The following IGSF5 variants were observed in gnomAD, a reference collection of about 807,000 sequenced individuals.
IGSF5 encodes immunoglobulin superfamily member 5.
Under a neutral mutation model 39.4 loss-of-function variants are expected in IGSF5, and 41 were observed. The observed-to-expected ratio is 1.04, with a 90% CI of 0.81 to 1.35. The LOEUF is 1.35. Among genes scored for constraint, IGSF5 ranks in the 40% most tolerant of loss-of-function variants. IGSF5 has a pLI of 0.00. For missense variants in IGSF5, 487 were observed against 494.6 expected (o/e 0.98, Z 0.15); for synonymous variants, 183 against 175.3 (o/e 1.04, Z -0.34).
intron 4 of IGSF5, among the ~76,000 whole-genome samples, chr21:39,775,110 T>C (rs2146284997): frequency 6.6e-6 from 1 of 152,196 alleles, no homozygotes; most frequent in East Asian, 1.9e-4. Context: ...GTTACTCTAA[T>C]GGGCAGCCAG....
chr21:39,775,068 C>A (rs995281683), intron 4 of IGSF5, among the ~76,000 whole-genome samples: 1 of 152,096 alleles, frequency 6.6e-6, no homozygotes, highest in Non-Finnish European at 1.5e-5. Context: ...TTTGTGGAGC[C>A]TGGGAATTGC....
intron 8 of IGSF5, among the ~76,000 whole-genome samples, chr21:39,796,579 C>T (rs990163154): frequency 1.3e-5 from 2 of 152,218 alleles, no homozygotes; most frequent in Non-Finnish European, 1.5e-5. Context: ...AGTATGACTC[C>T]AATTTGTCAG....
At chr21:39,780,810 C>CA (rs1457046875) in intron 5 of IGSF5, among the ~76,000 whole-genome samples, 1 of 152,172 alleles carries the variant, frequency 6.6e-6, no homozygotes. Flanking sequence ...GATGCTTTAT[C>CA]ATGAGAATGC....
intron 2 of IGSF5, among the ~76,000 whole-genome samples, chr21:39,751,009 C>G (rs1323560743): frequency 1.3e-5 from 2 of 152,314 alleles, no homozygotes; most frequent in East Asian, 1.9e-4. Flanking sequence ...GAGGCCTCTG[C>G]GTTCCCAGCC....
At chr21:39,743,599 A>AG (rs2079957113), upstream of IGSF5, among the ~76,000 whole-genome samples, 1 of 129,716 alleles carries the variant, frequency 7.7e-6, no homozygotes, top group African/African-American at 2.9e-5. Context: ...TTTGGGCTGA[A>AG]GAGGGGGTTC....
At chr21:39,774,859 C>T (rs1417763662) in intron 4 of IGSF5, among the ~76,000 whole-genome samples, 1 of 152,186 alleles carries the variant, frequency 6.6e-6, no homozygotes, top group Non-Finnish European at 1.5e-5. Flanking sequence ...AGTGACAGTC[C>T]TAGGCCTTTG....
At chr21:39,794,790 C>T (rs533257898) in intron 8 of IGSF5, among the ~76,000 whole-genome samples, 9 of 152,176 alleles carry the variant, frequency 5.9e-5, no homozygotes, top group Non-Finnish European at 5.9e-5. Flanking sequence ...TTACCTGAGG[C>T]GACGGTGCCC....
rs539233707 is a variant in IGSF5, at chr21:39,758,152, T to G, written c.101-7383T>G. Among the ~76,000 whole-genome samples, 19 of 152,248 alleles carry G rather than the reference T, an allele frequency of 1.2e-4. No homozygotes were observed. The East Asian group carries it at 3.7e-3, about 29-fold the overall frequency. ...TAGGGATCGCCTGAGCTTGGTGGGC[T>G]GTTCACCAACGTCCACTTGGAGTGT... On this transcript the variant is annotated intron_variant, in intron 2 of 8. Transcript: ENST00000380588.
intron 2 of IGSF5, among the ~76,000 whole-genome samples, chr21:39,756,545 C>T (rs564233914): frequency 8.5e-5 from 13 of 152,236 alleles, no homozygotes; most frequent in African/African-American, 2.2e-4. Context: ...TCTGGAGGGA[C>T]GGGTGGACGA....
At chr21:39,786,261 GA>G (rs531609634) in intron 5 of IGSF5, among the ~76,000 whole-genome samples, 213 of 151,816 alleles carry the variant, frequency 1.4e-3, no homozygotes, top group African/African-American at 4.9e-3. Context: ...AAATTTACAA[GA>G]AAAAAACAAA....
Position 39,795,785 on chromosome 21 carries a change from C to T in IGSF5, c.1128+2172C>T, listed in dbSNP as rs145545362. 3.8e-4 allele frequency among the ~76,000 whole-genome samples: 58 copies of T among 152,088 alleles called. No individual in the cohort carries two copies. The East Asian group carries it at 6.6e-3, about 17-fold the overall frequency. On this transcript the variant is annotated intron_variant, in intron 8 of 8. Coordinates refer to ENST00000380588, the MANE Select transcript of IGSF5 (RefSeq NM_001080444.2). ...GCCCTGGGGACTGGTAACGTAGTCT[C>T]GTGTTTCTTATTTCCTGAAGGGTTT...
intron 3 of IGSF5, among the ~76,000 whole-genome samples, chr21:39,766,484 A>C (rs1014210603): frequency 2.0e-5 from 3 of 152,152 alleles, no homozygotes; most frequent in African/African-American, 7.2e-5. Context: ...TCCTCTTTCC[A>C]GCAGAATCCC....
chr21:39,755,586 C>CAAA (rs11331220), intron 2 of IGSF5, among the ~76,000 whole-genome samples: 9 of 133,986 alleles, frequency 6.7e-5, no homozygotes, highest in African/African-American at 2.2e-4. Flanking sequence ...GACTCCATCT[C>CAAA]AAAAAAAAAA....
At chr21:39,755,309 T>G (rs4995787) in intron 2 of IGSF5, among the ~76,000 whole-genome samples, 124,253 of 152,150 alleles carry the variant, frequency 0.82, 50,920 homozygotes, top group Admixed American at 0.86. Flanking sequence ...AATGATGACC[T>G]GGTGCGGTGG....
At chr21:39,771,287 T>C in intron 4 of IGSF5, 72 bp downstream of exon 4, 2 of 1,353,424 alleles carry the variant, frequency 1.5e-6, no homozygotes, top group Non-Finnish European at 2.0e-6. Flanking sequence ...AGAATGCTCC[T>C]TCATCCACGA....
At chr21:39,769,164 C>T (rs2080101445) in intron 3 of IGSF5, among the ~76,000 whole-genome samples, 1 of 152,108 alleles carries the variant, frequency 6.6e-6, no homozygotes, top group African/African-American at 2.4e-5. Context: ...GTTTCAGATT[C>T]CACTGTGTAA....
intron 7 of IGSF5, 125 bp downstream of exon 7, chr21:39,792,224 A>G: frequency 1.6e-6 from 1 of 611,368 alleles, no homozygotes; most frequent in Non-Finnish European, 2.9e-6. Context: ...TTTTTGGATA[A>G]ATTTTAGAAG....
upstream of IGSF5, among the ~76,000 whole-genome samples, chr21:39,743,543 CT>C (rs1428978611): frequency 6.6e-6 from 1 of 151,826 alleles, no homozygotes; most frequent in Non-Finnish European, 1.5e-5. Context: ...AATATTGGCA[CT>C]CTTTGGTTCA....
the IGSF5 span, chr21:39,722,526 A>G: frequency 6.6e-6 from 1 of 152,220 alleles, no homozygotes; most frequent in African/African-American, 2.4e-5. Flanking sequence ...TAAGATGAGC[A>G]GAATTCCCTC....
Sources: gnomAD v4.1 joint callset for allele counts (sites outside exome capture counted in the v4.1 genomes callset) on GRCh38, gnomAD v4.1.1 for gene constraint, MANE v1.5 for transcripts, NCBI Gene and HGNC (gene_info 2026-07-23, HGNC 2026-07-21) for gene names.